The following TRIO variants were observed in gnomAD, a reference collection of about 807,000 sequenced individuals.
The protein encoded by TRIO is trio Rho guanine nucleotide exchange factor, also known as triple functional domain protein.
In TRIO, 58 loss-of-function variants were observed where a neutral mutation model predicts 351.9. The ratio of observed to expected loss-of-function variants is 0.16; its 90% CI spans 0.13 to 0.21. The LOEUF (loss-of-function observed/expected upper bound fraction) is 0.21. TRIO is among the 10% of genes least tolerant of loss of function. TRIO has a pLI of 1.00. For missense variants in TRIO, 3,201 were observed against 4,027.8 expected (o/e 0.79, Z 5.56); for synonymous variants, 1,758 against 1,595.7 (o/e 1.10, Z -2.42).
chr5:14,183,270 T>C (rs185583518), intron 1 of TRIO, among the ~76,000 whole-genome samples: 2 of 152,268 alleles, frequency 1.3e-5, no homozygotes, highest in African/African-American at 4.8e-5. Flanking sequence ...GGGACGTATG[T>C]TGTGCCCTTG....
chr5:14,338,480 T>G (rs2152320681), intron 11 of TRIO, among the ~76,000 whole-genome samples: 1 of 152,364 alleles, frequency 6.6e-6, no homozygotes, highest in Admixed American at 6.5e-5. Context: ...TACATGCACC[T>G]GTTAACGGCA....
intron 34 of TRIO, among the ~76,000 whole-genome samples, chr5:14,436,913 C>T (rs1040156471): frequency 5.3e-5 from 8 of 152,172 alleles, no homozygotes; most frequent in Non-Finnish European, 7.3e-5. Context: ...TCCAGGCTCA[C>T]GGTGCAAGCT....
chr5:14,171,784 G>C (rs187173599), intron 1 of TRIO, among the ~76,000 whole-genome samples: 2 of 152,138 alleles, frequency 1.3e-5, no homozygotes, highest in African/African-American at 4.8e-5. Context: ...GGAGCGGGGT[G>C]GGGGGATGGT....
chr5:14,387,032 T>C (rs746669062), intron 21 of TRIO, among the ~76,000 whole-genome samples: 9 of 152,184 alleles, frequency 5.9e-5, no homozygotes, highest in Non-Finnish European at 1.0e-4. Context: ...GTGGGTCCAG[T>C]TGGGCACAAA....
intron 1 of TRIO, among the ~76,000 whole-genome samples, chr5:14,188,538 G>GT (rs1790265168): frequency 6.6e-6 from 1 of 152,166 alleles, no homozygotes; most frequent in East Asian, 1.9e-4. Context: ...AGCCCCGTGG[G>GT]TTTATTTTCA....
At chr5:14,243,307 G>T (rs1794239940) in intron 1 of TRIO, among the ~76,000 whole-genome samples, 1 of 151,568 alleles carries the variant, frequency 6.6e-6, no homozygotes, top group Non-Finnish European at 1.5e-5. Context: ...TCGCAACTTA[G>T]ACATGAAATG....
intron 1 of TRIO, among the ~76,000 whole-genome samples, chr5:14,231,015 C>CTTGTGTT (rs1181650483): frequency 6.6e-6 from 1 of 152,142 alleles, no homozygotes; most frequent in Non-Finnish European, 1.5e-5. Context: ...TTGCCAATGC[C>CTTGTGTT]TAGTTCTTGT....
Position 14,358,022 on chromosome 5 carries a change from C to CCCGT in TRIO, c.2047-153_2047-150dup, listed in dbSNP as rs1372412373. 3.9e-5 allele frequency among the ~76,000 whole-genome samples: 6 copies of CCCGT among 152,164 alleles called. No homozygotes were observed. The East Asian group carries it at 1.2e-3, about 29-fold the overall frequency. On this transcript the variant is annotated intron_variant, in intron 11 of 56. Transcript: ENST00000344204. ...GCAGTGGGACTGGATGCCCCTCCCT[C>CCCGT]CCGTCCTTCCTTCCTTCCCTCCGGG...
chr5:14,156,987 AAC>A (rs1412610760), intron 1 of TRIO, among the ~76,000 whole-genome samples: 4 of 152,220 alleles, frequency 2.6e-5, no homozygotes, highest in South Asian at 4.1e-4. Flanking sequence ...TTGTGGGAAA[AAC>A]AGTTTGTCAT....
chr5:14,363,706 T>A (rs775885785), intron 13 of TRIO, 26 bp from the exon 14 acceptor site: 1 of 1,603,388 alleles, frequency 6.2e-7, no homozygotes, highest in South Asian at 1.1e-5. Flanking sequence ...ATTTTTTTTG[T>A]CTTGATCTTA....
At chr5:14,299,901 G>A (rs1218108475) in intron 7 of TRIO, among the ~76,000 whole-genome samples, 1 of 152,224 alleles carries the variant, frequency 6.6e-6, no homozygotes, top group Non-Finnish European at 1.5e-5. Flanking sequence ...GTCCGGCCCT[G>A]CCCTCTCTCT....
At chr5:14,343,014 CAT>C (rs1050185625) in intron 11 of TRIO, among the ~76,000 whole-genome samples, 5 of 149,316 alleles carry the variant, frequency 3.3e-5, no homozygotes, top group African/African-American at 1.2e-4. Flanking sequence ...CCAAAGATGT[CAT>C]ATCTTTAAAC....
At position 14,509,193 on chromosome 5, in the gene TRIO, G is replaced by A. The variant is rs532888339; in HGVS notation, c.*771G>A. The A allele has an allele frequency of 6.6e-4, 181 of 274,502 alleles. No homozygotes were observed. The highest frequency in any genetic ancestry group is 3.8e-3 in the African/African-American group (164 of 42,724). 17.0% of individuals were successfully genotyped at this position (274,502 alleles called of 1,614,324 possible). A position where few individuals can be genotyped will look rare whatever the true frequency, so the allele number is the denominator to read the frequency against. ...CCTGCCCCAAGCCGTCAATCAGATT[G>A]TGGAGCAGTACACAGTCAGATGAAA... On this transcript the variant is annotated 3_prime_UTR_variant, in exon 57 of 57. Transcript: ENST00000344204.
chr5:14,453,986 G>A (rs1753044237), intron 34 of TRIO, among the ~76,000 whole-genome samples: 1 of 151,992 alleles, frequency 6.6e-6, no homozygotes, highest in African/African-American at 2.4e-5. Flanking sequence ...CTGGAGTGCG[G>A]TGGCACAATT....
rs188705136 is a variant in TRIO, at chr5:14,486,760, C to T, written c.6836-704C>T. 4.6e-5 allele frequency among the ~76,000 whole-genome samples: 7 copies of T among 152,242 alleles called. No homozygotes were observed. The East Asian group carries it at 1.2e-3, about 25-fold the overall frequency. On this transcript the variant is annotated intron_variant, in intron 47 of 56. Transcript: ENST00000344204. ...TTGGGACCCTTTCACCTGCTTCTTG[C>T]ACACCCCTTAGTCCTGGAAGAGGCT...
intron 33 of TRIO, among the ~76,000 whole-genome samples, chr5:14,412,567 G>GCAGGA (rs1749295239): frequency 6.6e-6 from 1 of 152,176 alleles, no homozygotes; most frequent in South Asian, 2.1e-4. Flanking sequence ...GCTCGGCCAG[G>GCAGGA]CACAGAGGTG....
chr5:14,480,989 A>G (rs537064093), intron 43 of TRIO, among the ~76,000 whole-genome samples: 4 of 152,164 alleles, frequency 2.6e-5, no homozygotes, highest in Non-Finnish European at 5.9e-5. Context: ...AAATTCTTTC[A>G]GAACTAAAGT....
Position 14,358,237 on chromosome 5 carries a change from G to T in TRIO, c.2106G>T (p.Ser702=), listed in dbSNP as rs546203627. 2 of 1,614,162 alleles carry T rather than the reference G, an allele frequency of 1.2e-6. No homozygotes were observed. Among genetic ancestry groups the T allele is most frequent in the Admixed American group, 3.3e-5 (2 of 60,032 alleles). ...TGCTGGACGACGTGTATGCCGAGTCGGTGGAGGCCGTGCAGGACCTCATCA... is the reference window on the plus strand; with the variant it reads ...TGCTGGACGACGTGTATGCCGAGTCTGTGGAGGCCGTGCAGGACCTCATCA... ...KELLDDVYAE[S]VEAVQDLIKR... Residue 702 remains serine, a synonymous_variant, in exon 12 of 57, where the codon TCG becomes TCT. Transcript: ENST00000344204.
chr5:14,182,870 C>T (rs573283617), intron 1 of TRIO, among the ~76,000 whole-genome samples: 2 of 81,252 alleles, frequency 2.5e-5, no homozygotes, highest in East Asian at 2.6e-3. Context: ...AGACCCCCCC[C>T]CCTCCACTTT....
Sources: allele counts gnomAD v4.1 joint callset (sites outside exome capture counted in the v4.1 genomes callset), GRCh38; gene constraint gnomAD v4.1.1; transcripts MANE v1.5; gene names NCBI Gene and HGNC (gene_info 2026-07-23, HGNC 2026-07-21).